The following GRIA2 variants were observed in gnomAD, a reference collection of about 807,000 sequenced individuals.
GRIA2 encodes the protein glutamate ionotropic receptor AMPA type subunit 2.
GRIA2 carries 14 observed loss-of-function variants against 97.3 expected under a neutral mutation model. The observed-to-expected ratio is 0.14, with a 90% CI of 0.10 to 0.23. The LOEUF is 0.23. Among genes scored for constraint, GRIA2 ranks in the 10% least tolerant of loss-of-function variants. GRIA2 has a pLI of 1.00. For synonymous variants in GRIA2, 412 were observed against 387.8 expected (o/e 1.06, Z -0.73); for missense variants, 558 against 1,069.8 (o/e 0.52, Z 6.67).
chr4:157,311,533 C>A lies in GRIA2; in HGVS notation c.470-1146C>A, dbSNP rs114452065. Among the ~76,000 whole-genome samples, 540 of 151,934 alleles carry A rather than the reference C, an allele frequency of 3.6e-3. 1 individual carries two copies. Among genetic ancestry groups the A allele is most frequent in the African/African-American group, 0.012 (513 of 41,502 alleles). On this transcript the variant is annotated intron_variant, in intron 3 of 15. Transcript: ENST00000264426. ...TTTTCTTTTTTGAAATAGTTTTCAA[C>A]AAAATTGATAATTGACTCTTTTTCA...
chr4:157,225,131 G>A (rs929679740), intron 2 of GRIA2, among the ~76,000 whole-genome samples: 2 of 152,056 alleles, frequency 1.3e-5, no homozygotes, highest in African/African-American at 2.4e-5. Context: ...TCCACTGAAT[G>A]GGTTAAGGTT....
At chr4:157,355,634 A>ATATATATTTATTTC (rs1560780589) in intron 12 of GRIA2, among the ~76,000 whole-genome samples, 3 of 135,186 alleles carry the variant, frequency 2.2e-5, no homozygotes, top group Non-Finnish European at 4.6e-5. Flanking sequence ...ATATTTATTT[A>ATATATATTTATTTC]TATATATTTA....
intron 12 of GRIA2, chr4:157,342,408 C>A: frequency 3.0e-6 from 3 of 983,920 alleles, no homozygotes; most frequent in Non-Finnish European, 3.6e-6. Context: ...GGTGGTAGAA[C>A]CATGGCTAAT....
chr4:157,356,497 C>G (rs913381640), intron 12 of GRIA2, among the ~76,000 whole-genome samples: 5 of 151,888 alleles, frequency 3.3e-5, no homozygotes, highest in African/African-American at 7.3e-5. Flanking sequence ...AAAATTTGCT[C>G]AAATGTAGAT....
At chr4:157,258,846 A>G (rs1207873520) in intron 2 of GRIA2, among the ~76,000 whole-genome samples, 2 of 152,184 alleles carry the variant, frequency 1.3e-5, no homozygotes, top group Non-Finnish European at 2.9e-5. Flanking sequence ...CCCACGTTGA[A>G]TTATCGGGGG....
At chr4:157,312,953 G>A (rs530879069) in intron 4 of GRIA2, 78 bp downstream of exon 4, 1 of 843,386 alleles carries the variant, frequency 1.2e-6, no homozygotes, top group Non-Finnish European at 1.8e-6. Context: ...GTGTATTTGT[G>A]TAAGGTGCTT....
intron 12 of GRIA2, among the ~76,000 whole-genome samples, chr4:157,355,901 A>T (rs1311187171): frequency 1.1e-3 from 3 of 2,674 alleles, no homozygotes; most frequent in Non-Finnish European, 5.5e-3. Context: ...ATTTATATAT[A>T]AATATATATA....
intron 2 of GRIA2, among the ~76,000 whole-genome samples, chr4:157,261,770 A>C (rs1026842320): frequency 6.6e-6 from 1 of 151,720 alleles, no homozygotes; most frequent in Admixed American, 6.6e-5. Context: ...GGTGTTTAGT[A>C]TTTTTTTTGA....
intron 5 of GRIA2, among the ~76,000 whole-genome samples, chr4:157,318,569 T>C (rs1734425653): frequency 6.6e-6 from 1 of 152,192 alleles, no homozygotes; most frequent in Non-Finnish European, 1.5e-5. Flanking sequence ...AAGAAGGTAG[T>C]ATACTGAAGC....
intron 5 of GRIA2, among the ~76,000 whole-genome samples, chr4:157,320,313 C>T (rs1051486762): frequency 6.6e-6 from 1 of 151,944 alleles, no homozygotes; most frequent in Admixed American, 6.6e-5. Flanking sequence ...AAATTACATA[C>T]TCATGTGGGA....
At chr4:157,254,081 GCT>G (rs1016066571) in intron 2 of GRIA2, among the ~76,000 whole-genome samples, 1 of 151,116 alleles carries the variant, frequency 6.6e-6, no homozygotes, top group African/African-American at 2.4e-5. Context: ...AGACATTAAT[GCT>G]CTTTTTTCTG....
chr4:157,221,576 G>A (rs1729494937), intron 1 of GRIA2, 91 bp from the exon 2 acceptor site: 2 of 1,318,188 alleles, frequency 1.5e-6, no homozygotes, highest in Non-Finnish European at 2.1e-6. Flanking sequence ...GTGAATAAGA[G>A]ACTCTTGGAT....
chr4:157,335,165 A>C (rs917048171), intron 9 of GRIA2: 1 of 165,326 alleles, frequency 6.0e-6, no homozygotes, highest in African/African-American at 2.4e-5. Context: ...GGGTAGAATC[A>C]GTACATCATC....
chr4:157,272,176 A>T (rs1225438066), intron 2 of GRIA2, among the ~76,000 whole-genome samples: 2 of 152,082 alleles, frequency 1.3e-5, no homozygotes, highest in East Asian at 1.9e-4. Context: ...GCAAATAAGG[A>T]ATCAGCATGG....
intron 2 of GRIA2, among the ~76,000 whole-genome samples, chr4:157,271,267 G>A (rs1732012271): frequency 6.6e-6 from 1 of 151,960 alleles, no homozygotes; most frequent in African/African-American, 2.4e-5. Flanking sequence ...TTCTGACACA[G>A]TCTACCCTGA....
intron 12 of GRIA2, among the ~76,000 whole-genome samples, chr4:157,356,177 TTATATATTTATTTATATATATTTATA>T (rs1339840541): frequency 2.4e-5 from 3 of 123,942 alleles, no homozygotes; most frequent in African/African-American, 8.9e-5. Flanking sequence ...TTATATATAT[TTATATATTTATTTATATATATTTATA>T]TATATATTTA....
At chr4:157,223,102 C>G (rs753141542) in intron 2 of GRIA2, among the ~76,000 whole-genome samples, 3 of 152,156 alleles carry the variant, frequency 2.0e-5, no homozygotes, top group Non-Finnish European at 4.4e-5. Context: ...CTGCAGTTTT[C>G]CCACGTCACA....
intron 2 of GRIA2, among the ~76,000 whole-genome samples, chr4:157,230,834 AT>A (rs962428178): frequency 5.3e-5 from 8 of 151,356 alleles, no homozygotes; most frequent in African/African-American, 1.5e-4. Context: ...TTTGGTTTTG[AT>A]TTTTTTTCCT....
rs1380963877 is a variant in GRIA2, at chr4:157,220,896, C to A, written c.-147C>A. Reference sequence around the variant, plus strand: ...GACCTGGGAAATAGGGATTCTTCTGCCTCCACTTCAGGTTTTAGCAGCTTG... The same window carrying A: ...GACCTGGGAAATAGGGATTCTTCTGACTCCACTTCAGGTTTTAGCAGCTTG... On this transcript the variant is annotated 5_prime_UTR_variant, in exon 1 of 16. Transcript: ENST00000264426. The A allele has an allele frequency of 1.6e-5, 10 of 630,784 alleles. No individual in the cohort carries two copies. The highest frequency in any genetic ancestry group is 1.1e-5 in the Non-Finnish European group (4 of 349,706). 39.1% of individuals were successfully genotyped at this position (630,784 alleles called of 1,614,324 possible).
Sources: allele counts gnomAD v4.1 joint callset (sites outside exome capture counted in the v4.1 genomes callset), GRCh38; gene constraint gnomAD v4.1.1; transcripts MANE v1.5; gene names NCBI Gene and HGNC (gene_info 2026-07-23, HGNC 2026-07-21).